OSBPL3: variants seen among roughly 807,000 people sequenced by gnomAD.
The protein encoded by OSBPL3 is oxysterol-binding protein-related protein 3.
In OSBPL3, 65 loss-of-function variants were observed where a neutral mutation model predicts 120.1. The ratio of observed to expected loss-of-function variants is 0.54; its 90% CI spans 0.44 to 0.67. OSBPL3 has a LOEUF of 0.67. OSBPL3 is among the 30% of genes least tolerant of loss of function. The pLI, the probability that OSBPL3 is intolerant of heterozygous loss-of-function variation, is 0.00. For missense variants in OSBPL3, 1,004 were observed against 1,082.1 expected (o/e 0.93, Z 1.01); for synonymous variants, 416 against 402.6 (o/e 1.03, Z -0.40).
intron 1 of OSBPL3, among the ~76,000 whole-genome samples, chr7:24,919,321 G>A (rs558967256): frequency 6.6e-6 from 1 of 152,140 alleles, no homozygotes; most frequent in African/African-American, 2.4e-5. Flanking sequence ...ACAGATCAGT[G>A]GAATAAGATT....
In OSBPL3 at chr7:24,877,660, A is replaced by G. The variant is rs372260379; in HGVS notation, c.97-5591T>C. ...AAGAGTCCCCCAGAACCTTCGGGAC[A>G]TGGGACTTTAATAATGTGTGCTGGA... is the stretch of plus-strand genomic sequence containing the variant. On this transcript the variant is annotated intron_variant, in intron 2 of 22. Transcript: ENST00000313367. This position sits in a 1 kb window ranked among gnomAD's most constrained non-coding sequence, Gnocchi z 4.8. Among the ~76,000 whole-genome samples, 2 of 152,214 alleles carry G rather than the reference A, an allele frequency of 1.3e-5. No homozygotes were observed. Among genetic ancestry groups the G allele is most frequent in the Admixed American group, 1.3e-4 (2 of 15,278 alleles).
intron 14 of OSBPL3, among the ~76,000 whole-genome samples, chr7:24,839,163 C>T (rs1797381983): frequency 6.6e-6 from 1 of 152,160 alleles, no homozygotes; most frequent in South Asian, 2.1e-4. Flanking sequence ...TGGTCCCTCT[C>T]CTTTGTGAAG....
At chr7:24,981,296 C>T (rs772115400), upstream of OSBPL3, 2 of 152,136 alleles carry the variant, frequency 1.3e-5, no homozygotes, top group African/African-American at 4.8e-5. The surrounding 1 kb of genome is among the most constrained non-coding windows in gnomAD (Gnocchi z 7.3). Context: ...GATTCCTGAG[C>T]CTGGGAAAGG....
intron 1 of OSBPL3, among the ~76,000 whole-genome samples, chr7:24,901,188 A>G (rs1806960214): frequency 1.3e-5 from 2 of 151,834 alleles, no homozygotes; most frequent in Non-Finnish European, 2.9e-5. Flanking sequence ...TTAGCCGGGC[A>G]CAGTGGCAGG....
Position 24,938,194 on chromosome 7 carries a change from C to T in OSBPL3, c.-150+41692G>A, listed in dbSNP as rs1488771148. Among the ~76,000 whole-genome samples, 1 of 152,158 alleles carries T rather than the reference C, an allele frequency of 6.6e-6. No individual in the cohort carries two copies. The highest frequency in any genetic ancestry group is 2.4e-5 in the African/African-American group (1 of 41,438). ...TTGGGCGGTGATCAAGTCATGAGGG[C>T]TCCCCCTTTGCATGGGATTAATACC... is the stretch of plus-strand genomic sequence containing the variant. On this transcript the variant is annotated intron_variant, in intron 1 of 22. Transcript: ENST00000313367. This position sits in a 1 kb window ranked among gnomAD's most constrained non-coding sequence, Gnocchi z 5.8.
chr7:24,948,659 G>T (rs1458810823), intron 1 of OSBPL3, among the ~76,000 whole-genome samples: 2 of 152,112 alleles, frequency 1.3e-5, no homozygotes, highest in Non-Finnish European at 2.9e-5. Context: ...AAAATCTCAG[G>T]ATCCTTAATT....
At chr7:24,926,897 T>C (rs1002091375) in intron 1 of OSBPL3, among the ~76,000 whole-genome samples, 1 of 152,212 alleles carries the variant, frequency 6.6e-6, no homozygotes, top group African/African-American at 2.4e-5. Flanking sequence ...GAACTAATAA[T>C]TGCATCCATG....
Position 24,952,385 on chromosome 7 carries a change from G to C in OSBPL3, c.-150+27501C>G, listed in dbSNP as rs539717369. On this transcript the variant is annotated intron_variant, in intron 1 of 22. Coordinates refer to ENST00000313367, the MANE Select transcript of OSBPL3 (RefSeq NM_015550.4). The surrounding 1 kb of genome is among the most constrained non-coding windows in gnomAD (Gnocchi z 4.4). ...GTCATGTAATCACTAATCATATACCGGTTATCTAGGTCTCCTGACATTCAA... is the reference window on the plus strand; with the variant it reads ...GTCATGTAATCACTAATCATATACCCGTTATCTAGGTCTCCTGACATTCAA... Among the ~76,000 whole-genome samples the C allele has an allele frequency of 2.6e-5, 4 of 152,090 alleles. No homozygotes were observed. The highest frequency in any genetic ancestry group is 9.7e-5 in the African/African-American group (4 of 41,406).
rs1477517860 is a variant in OSBPL3 at position 24,900,144 on chromosome 7, A to G, written c.-149-7523T>C. ...TTAGGAATGCAAAATCTCTGACCCT[A>G]CCACAGACCAACAAAATCAGGAACT... On this transcript the variant is annotated intron_variant, in intron 1 of 22. Transcript: ENST00000313367. This position sits in a 1 kb window ranked among gnomAD's most constrained non-coding sequence, Gnocchi z 4.5. Among the ~76,000 whole-genome samples, 1 of 152,162 alleles carries G rather than the reference A, an allele frequency of 6.6e-6. No homozygotes were observed. Among genetic ancestry groups the G allele is most frequent in the Non-Finnish European group, 1.5e-5 (1 of 68,032 alleles).
rs1010300758 is a variant in OSBPL3, at chr7:24,913,635, C to G, written c.-149-21014G>C. Among the ~76,000 whole-genome samples the G allele has an allele frequency of 2.0e-5, 3 of 152,036 alleles. No homozygotes were observed. Among genetic ancestry groups the G allele is most frequent in the African/African-American group, 7.2e-5 (3 of 41,396 alleles). On this transcript the variant is annotated intron_variant, in intron 1 of 22. Transcript: ENST00000313367. This position sits in a 1 kb window ranked among gnomAD's most constrained non-coding sequence, Gnocchi z 5.3. Reference sequence around the variant, plus strand: ...CACAAAGATGAAAAGACACATGAACCCCTTAAAAACCCTGGAAACATTCCT... The same window carrying G: ...CACAAAGATGAAAAGACACATGAACGCCTTAAAAACCCTGGAAACATTCCT...
chr7:24,980,051 G>A lies in OSBPL3; in HGVS notation c.-315C>T. On this transcript the variant is annotated 5_prime_UTR_variant, in exon 1 of 23. Transcript: ENST00000313367. Reference sequence around the variant, plus strand: ...GAGTCGGGGGCGGGGATGGCCACTTGCAGACAGACTGCGGGGCCGGAGCCG... The same window carrying A: ...GAGTCGGGGGCGGGGATGGCCACTTACAGACAGACTGCGGGGCCGGAGCCG... 1.0e-6 allele frequency: 1 copy of A among 985,248 alleles called. No individual in the cohort carries two copies. The highest frequency in any genetic ancestry group is 1.2e-6 in the Non-Finnish European group (1 of 829,874). 61.0% of individuals were successfully genotyped at this position (985,248 alleles called of 1,614,324 possible). A position where few individuals can be genotyped will look rare whatever the true frequency, so the allele number is the denominator to read the frequency against.
At position 24,912,904 on chromosome 7, in the gene OSBPL3, C is replaced by A. The variant is rs999018517; in HGVS notation, c.-149-20283G>T. ...GCATTAGAAATGGCAATGTAACTTC[C>A]ACTTGTCCTGTTGTCTCAGGGTGCT... On this transcript the variant is annotated intron_variant, in intron 1 of 22. Coordinates refer to ENST00000313367, the MANE Select transcript of OSBPL3 (RefSeq NM_015550.4). The surrounding 1 kb of genome is among the most constrained non-coding windows in gnomAD (Gnocchi z 4.5). Among the ~76,000 whole-genome samples the A allele has an allele frequency of 2.6e-5, 4 of 152,192 alleles. No individual in the cohort carries two copies. The highest frequency in any genetic ancestry group is 9.7e-5 in the African/African-American group (4 of 41,440).
intron 5 of OSBPL3, among the ~76,000 whole-genome samples, chr7:24,868,734 C>T (rs1801706768): frequency 6.6e-6 from 1 of 152,134 alleles, no homozygotes; most frequent in Admixed American, 6.5e-5. Flanking sequence ...TTTGTCTCCC[C>T]TAAATTGTGT....
At chr7:24,914,303 A>T (rs1024731305) in intron 1 of OSBPL3, among the ~76,000 whole-genome samples, 1 of 151,888 alleles carries the variant, frequency 6.6e-6, no homozygotes. Flanking sequence ...AAGTTCTACC[A>T]GCCAGTAGCA....
At chr7:24,917,401 C>CATATATATATATATATATATATATAT (rs59525014) in intron 1 of OSBPL3, among the ~76,000 whole-genome samples, 172 of 99,978 alleles carry the variant, frequency 1.7e-3, no homozygotes, top group Non-Finnish European at 2.1e-3. Context: ...ATATTTGTAA[C>CATATATATATATATATATATATATAT]ATATATATAT....
rs1794694299 is a variant in OSBPL3, at chr7:24,818,114, C to A, written c.1949-1426G>T. Among the ~76,000 whole-genome samples the A allele has an allele frequency of 6.6e-6, 1 of 152,046 alleles. No individual in the cohort carries two copies. The highest frequency in any genetic ancestry group is 2.4e-5 in the African/African-American group (1 of 41,382). On this transcript the variant is annotated intron_variant, in intron 17 of 22. Coordinates refer to ENST00000313367, the MANE Select transcript of OSBPL3 (RefSeq NM_015550.4). This position sits in a 1 kb window ranked among gnomAD's most constrained non-coding sequence, Gnocchi z 4.0. Reference sequence around the variant, plus strand: ...ATTTATATAAAATGCCCCAAACAGGCACATTTATAGGCTGGGGAATATTGA... The same window carrying A: ...ATTTATATAAAATGCCCCAAACAGGAACATTTATAGGCTGGGGAATATTGA...
rs1200149940 is a variant in OSBPL3 at position 24,933,153 on chromosome 7, G to C, written c.-149-40532C>G. ...GCAGAACTGGGACCCAGCTGAGAGGGGGGTTCGCTGCTCAAGGTTAAAATG... is the reference window on the plus strand; with the variant it reads ...GCAGAACTGGGACCCAGCTGAGAGGCGGGTTCGCTGCTCAAGGTTAAAATG... On this transcript the variant is annotated intron_variant, in intron 1 of 22. Transcript: ENST00000313367. This position sits in a 1 kb window ranked among gnomAD's most constrained non-coding sequence, Gnocchi z 5.1. Among the ~76,000 whole-genome samples, 2 of 152,186 alleles carry C rather than the reference G, an allele frequency of 1.3e-5. No homozygotes were observed. Among genetic ancestry groups the C allele is most frequent in the Non-Finnish European group, 1.5e-5 (1 of 68,036 alleles).
At chr7:24,807,778 A>G (rs1224174441) in intron 20 of OSBPL3, among the ~76,000 whole-genome samples, 2 of 152,170 alleles carry the variant, frequency 1.3e-5, no homozygotes, top group African/African-American at 4.8e-5. Context: ...AATTCCAAAA[A>G]AGCTAAACAT....
In OSBPL3 at chr7:24,815,332, T is replaced by A; in HGVS notation, c.2028-129A>T. 2.8e-6 allele frequency: 2 copies of A among 708,644 alleles called. No homozygotes were observed. The highest frequency in any genetic ancestry group is 4.8e-6 in the Non-Finnish European group (2 of 420,752). 43.9% of individuals were successfully genotyped at this position (708,644 alleles called of 1,614,324 possible). On this transcript the variant is annotated intron_variant, in intron 18 of 22. Coordinates refer to ENST00000313367, the MANE Select transcript of OSBPL3 (RefSeq NM_015550.4). This position sits in a 1 kb window ranked among gnomAD's most constrained non-coding sequence, Gnocchi z 5.1. ...ATCTCTTTATTCACAGAAGCAACAC[T>A]GGCTAAGTGTCTATGTCACACTGGA...
Sources: gnomAD v4.1 joint callset for allele counts (sites outside exome capture counted in the v4.1 genomes callset) on GRCh38, gnomAD v4.1.1 for gene constraint, Gnocchi (gnomAD v3.1) non-coding constraint, MANE v1.5 for transcripts, NCBI Gene and HGNC (gene_info 2026-07-23, HGNC 2026-07-21) for gene names.